STARD3NL: variants seen among roughly 807,000 people sequenced by gnomAD.
STARD3NL encodes STARD3 N-terminal-like protein.
STARD3NL carries 17 observed loss-of-function variants against 30.9 expected under a neutral mutation model. The observed-to-expected ratio is 0.55, with a 90% CI of 0.38 to 0.82. The LOEUF is 0.82. STARD3NL is among the 40% of genes least tolerant of loss of function. The pLI is 0.00. For synonymous variants in STARD3NL, 112 were observed against 100.5 expected (o/e 1.11, Z -0.69); for missense variants, 234 against 277.6 (o/e 0.84, Z 1.12).
At chr7:38,179,511 A>G (rs13241002) in intron 1 of STARD3NL, among the ~76,000 whole-genome samples, 12,680 of 152,276 alleles carry the variant, frequency 0.083, 650 homozygotes, top group Middle Eastern at 0.15. Context: ...TACCTTACTT[A>G]TGTTCACAGA....
intron 1 of STARD3NL, among the ~76,000 whole-genome samples, chr7:38,180,414 C>T (rs1784200025): frequency 6.6e-6 from 1 of 152,170 alleles, no homozygotes; most frequent in Admixed American, 6.5e-5. Context: ...GCAGTTGGTC[C>T]CTGCTCTTCT....
At chr7:38,209,057 A>C (rs1478599388) in intron 2 of STARD3NL, among the ~76,000 whole-genome samples, 3 of 152,206 alleles carry the variant, frequency 2.0e-5, no homozygotes, top group Admixed American at 6.5e-5. Flanking sequence ...TCCACTGTTA[A>C]GTTTCTGTTT....
intron 1 of STARD3NL, among the ~76,000 whole-genome samples, chr7:38,182,822 A>G (rs531204280): frequency 6.6e-6 from 1 of 152,208 alleles, no homozygotes; most frequent in Non-Finnish European, 1.5e-5. Context: ...CTTCCTCTCT[A>G]GTTACAGTTT....
At chr7:38,203,488 T>C (rs1211954054) in intron 1 of STARD3NL, among the ~76,000 whole-genome samples, 1 of 152,058 alleles carries the variant, frequency 6.6e-6, no homozygotes. Flanking sequence ...GCACTAAACA[T>C]GGAAAGGAAC....
rs111754717 is a variant in STARD3NL at position 38,215,255 on chromosome 7, G to C, written c.381+150G>C. On this transcript the variant is annotated intron_variant, in intron 4 of 8. Transcript: ENST00000009041. Reference sequence around the variant, plus strand: ...GTCCCGTTTCCTCCATACTTAAGTAGGTTTAATACTCCAGGGCTTCTTTCC... The same window carrying C: ...GTCCCGTTTCCTCCATACTTAAGTACGTTTAATACTCCAGGGCTTCTTTCC... 3 of 645,192 alleles carry C rather than the reference G, an allele frequency of 4.6e-6. No homozygotes were observed. In the East Asian group the frequency reaches 8.4e-5, roughly 18 times the overall value. 40.0% of individuals were successfully genotyped at this position (645,192 alleles called of 1,614,324 possible). A position where few individuals can be genotyped will look rare whatever the true frequency, so the allele number is the denominator to read the frequency against.
chr7:38,228,942 GTA>G, intron 8 of STARD3NL, 71 bp downstream of exon 8: 1 of 1,126,446 alleles, frequency 8.9e-7, no homozygotes. Context: ...TAGAGTCAAA[GTA>G]GAATTCAAAG....
intron 7 of STARD3NL, among the ~76,000 whole-genome samples, chr7:38,225,378 A>G (rs992805962): frequency 3.3e-5 from 5 of 152,156 alleles, no homozygotes; most frequent in African/African-American, 1.2e-4. Flanking sequence ...TCTTATGGAT[A>G]ATATATTTGT....
intron 1 of STARD3NL, among the ~76,000 whole-genome samples, chr7:38,190,752 C>G (rs1252161850): frequency 6.6e-6 from 1 of 152,086 alleles, no homozygotes; most frequent in Non-Finnish European, 1.5e-5. Context: ...ATGCTCTTTT[C>G]TATTTGAAGA....
intron 2 of STARD3NL, among the ~76,000 whole-genome samples, chr7:38,209,346 C>T (rs1334369527): frequency 6.6e-6 from 1 of 151,688 alleles, no homozygotes; most frequent in Admixed American, 6.6e-5. Flanking sequence ...TGCAGTGACA[C>T]GATCTTGGCT....
intron 7 of STARD3NL, among the ~76,000 whole-genome samples, chr7:38,224,033 A>T (rs777260797): frequency 6.6e-6 from 1 of 152,192 alleles, no homozygotes; most frequent in Non-Finnish European, 1.5e-5. Context: ...TTTCCTGGGC[A>T]TTTAATGTAA....
At chr7:38,211,577 C>A (rs1012758094) in intron 2 of STARD3NL, among the ~76,000 whole-genome samples, 1 of 152,050 alleles carries the variant, frequency 6.6e-6, no homozygotes, top group African/African-American at 2.4e-5. Flanking sequence ...CTAGATTATT[C>A]AAGTTATTAA....
At position 38,217,249 on chromosome 7, in the gene STARD3NL, T is replaced by C; in HGVS notation, c.497T>C (p.Ile166Thr). The change falls in exon 6 of 9, where the codon ATT becomes ACT. Residue 166 changes from isoleucine to threonine, a missense_variant. Physicochemically the swap from Ile to Thr is moderately conservative, Grantham distance 89. Coordinates refer to ENST00000009041, the MANE Select transcript of STARD3NL (RefSeq NM_032016.4). ...LPIISFILAW[I>T]ETWFLDFKVL... ...ATCATTTCATTCATCCTTGCCTGGATTGAGACGTGGTTCCTGGATTTCAAA... is the reference window on the plus strand; with the variant it reads ...ATCATTTCATTCATCCTTGCCTGGACTGAGACGTGGTTCCTGGATTTCAAA... 6.2e-7 allele frequency: 1 copy of C among 1,614,082 alleles called. No homozygotes were observed. Among genetic ancestry groups the C allele is most frequent in the South Asian group, 1.1e-5 (1 of 91,084 alleles).
At chr7:38,207,916 A>G (rs1785585424) in intron 2 of STARD3NL, among the ~76,000 whole-genome samples, 187 bp downstream of exon 2, 1 of 152,170 alleles carries the variant, frequency 6.6e-6, no homozygotes, top group South Asian at 2.1e-4. Flanking sequence ...GGCAAATGTG[A>G]TCAGTTTAAA....
intron 1 of STARD3NL, among the ~76,000 whole-genome samples, chr7:38,184,236 A>G (rs901962403): frequency 3.3e-5 from 5 of 152,186 alleles, no homozygotes; most frequent in African/African-American, 1.2e-4. Flanking sequence ...TTAATATGAT[A>G]GTTTGGTGGT....
intron 1 of STARD3NL, among the ~76,000 whole-genome samples, chr7:38,206,446 C>T (rs911730004): frequency 6.6e-6 from 1 of 152,200 alleles, no homozygotes; most frequent in African/African-American, 2.4e-5. Context: ...GACAATCATA[C>T]CATCCACCAC....
chr7:38,216,784 C>T (rs1786145421), intron 4 of STARD3NL: 4 of 522,154 alleles, frequency 7.7e-6, no homozygotes, highest in Admixed American at 3.5e-5. Context: ...CACCAGCCTG[C>T]TGAAATGTGG....
At chr7:38,180,878 A>C (rs1784217593) in intron 1 of STARD3NL, among the ~76,000 whole-genome samples, 1 of 152,152 alleles carries the variant, frequency 6.6e-6, no homozygotes, top group Non-Finnish European at 1.5e-5. Flanking sequence ...TAATGGCCAA[A>C]CTTCTATCAA....
At position 38,207,493 on chromosome 7, in the gene STARD3NL, C is replaced by T. The variant is rs148239746; in HGVS notation, c.-12C>T. On this transcript the variant is annotated 5_prime_UTR_variant, in exon 2 of 9. Transcript: ENST00000009041. Reference sequence around the variant, plus strand: ...TGAGGTTGGAAAAAGGCTCCTGTAACCCTCCTCCAGGATGAACCACCTGCC... The same window carrying T: ...TGAGGTTGGAAAAAGGCTCCTGTAATCCTCCTCCAGGATGAACCACCTGCC... 3.7e-6 allele frequency: 6 copies of T among 1,612,760 alleles called. No individual in the cohort carries two copies. In the Admixed American group the frequency reaches 1.0e-4, roughly 27 times the overall value.
chr7:38,220,489 A>G (rs1320419883), intron 7 of STARD3NL, among the ~76,000 whole-genome samples: 2 of 152,216 alleles, frequency 1.3e-5, no homozygotes, highest in Non-Finnish European at 2.9e-5. Context: ...AAGACAGAAA[A>G]TAAGTATTGG....
Sources: allele counts gnomAD v4.1 joint callset (sites outside exome capture counted in the v4.1 genomes callset), GRCh38; gene constraint gnomAD v4.1.1; transcripts MANE v1.5; gene names NCBI Gene and HGNC (gene_info 2026-07-23, HGNC 2026-07-21).